Variants in DNM2 observed in about 807,000 individuals in gnomAD.
DNM2 encodes dynamin-2.
A neutral mutation model predicts 99.0 loss-of-function variants in DNM2; 15 were observed. The observed-to-expected ratio is 0.15, with a 90% confidence interval of 0.10 to 0.23. The LOEUF (loss-of-function observed/expected upper bound fraction) is 0.23, where lower values mean the gene tolerates loss of function less well. Ranked by LOEUF, DNM2 falls within the 10% of genes least tolerant of loss-of-function variation. The pLI is 1.00. For missense variants in DNM2, 742 were observed against 1,189.4 expected (o/e 0.62, Z 5.53); for synonymous variants, 525 against 481.2 (o/e 1.09, Z -1.19).
At chr19:10,807,617 C>A (rs1184978055) in intron 13 of DNM2, among the ~76,000 whole-genome samples, 7 of 139,628 alleles carry the variant, frequency 5.0e-5, no homozygotes, top group Non-Finnish European at 1.1e-4. Flanking sequence ...GGCGCGGTCT[C>A]AGCTCACCAC....
intron 2 of DNM2, among the ~76,000 whole-genome samples, chr19:10,766,711 G>A (rs10414743): frequency 0.94 from 142,358 of 152,026 alleles, 66,915 homozygotes; most frequent in East Asian, 1. Context: ...ACCTCTCTCT[G>A]GAAAAACCCG....
chr19:10,762,691 C>G (rs1217423672), intron 2 of DNM2, among the ~76,000 whole-genome samples: 1 of 152,198 alleles, frequency 6.6e-6, no homozygotes, highest in Non-Finnish European at 1.5e-5. Context: ...GGAGCCAAGG[C>G]TTCCTGACCA....
At position 10,718,193 on chromosome 19, in the gene DNM2, C is replaced by CG. The variant is rs1455711024; in HGVS notation, c.-48dup. The CG allele has an allele frequency of 2.2e-6, 3 of 1,389,240 alleles. No individual in the cohort carries two copies. 86.1% of individuals were successfully genotyped at this position (1,389,240 alleles called of 1,614,324 possible). On this transcript the variant is annotated 5_prime_UTR_variant, in exon 1 of 21. Coordinates refer to ENST00000389253, the MANE Select transcript of DNM2 (RefSeq NM_001005361.3). ...GCCGCGGGGCCAGGTCGTTGAGGGT[C>CG]GGCGGCGGGCGAGGAGCGCAGGGCG...
chr19:10,760,272 C>G (rs993247675), intron 2 of DNM2, among the ~76,000 whole-genome samples: 1 of 151,774 alleles, frequency 6.6e-6, no homozygotes, highest in Non-Finnish European at 1.5e-5. Flanking sequence ...AACTCCTGAC[C>G]TCAAGTGACC....
intron 12 of DNM2, among the ~76,000 whole-genome samples, chr19:10,804,675 G>A (rs892837410): frequency 2.1e-4 from 32 of 152,172 alleles, no homozygotes; most frequent in African/African-American, 6.5e-4. Context: ...GTGACAGAGT[G>A]AGACTCTGTC....
intron 1 of DNM2, among the ~76,000 whole-genome samples, chr19:10,732,587 G>A (rs1159521276): frequency 6.6e-6 from 1 of 151,796 alleles, no homozygotes; most frequent in Non-Finnish European, 1.5e-5. Context: ...GTGATAGAGC[G>A]AGACTCCGTC....
chr19:10,757,195 C>CCCAT (rs2070419172), intron 1 of DNM2, among the ~76,000 whole-genome samples: 1 of 152,120 alleles, frequency 6.6e-6, no homozygotes, highest in African/African-American at 2.4e-5. Flanking sequence ...AGCCCTGTTG[C>CCCAT]CCATCACGAT....
intron 1 of DNM2, among the ~76,000 whole-genome samples, chr19:10,736,145 A>G (rs1304948606): frequency 6.6e-6 from 1 of 151,962 alleles, no homozygotes; most frequent in Non-Finnish European, 1.5e-5. Flanking sequence ...GGTGCCTGTA[A>G]TCCCAGCTAA....
chr19:10,723,824 T>C (rs1003414747), intron 1 of DNM2, among the ~76,000 whole-genome samples: 1 of 152,190 alleles, frequency 6.6e-6, no homozygotes, highest in African/African-American at 2.4e-5. Context: ...GGCCACTTAG[T>C]GGCTCAGGCC....
Position 10,759,916 on chromosome 19 carries a change from G to A in DNM2, c.235+105G>A, listed in dbSNP as rs138315848. ...GAACTTGGGTCCTGGGCTGTCATTG[G>A]ACATTGAATTCACGTGTTCCACATG... On this transcript the variant is annotated intron_variant, in intron 2 of 20. Transcript: ENST00000389253. 3.1e-3 allele frequency: 4,542 copies of A among 1,463,522 alleles called. 11 individuals carry two copies. Among genetic ancestry groups the A allele is most frequent in the Non-Finnish European group, 3.7e-3 (3,852 of 1,043,816 alleles). The allele number at this position is 1,463,522 out of a possible 1,614,324, so 90.7% of individuals were successfully genotyped here. A position where few individuals can be genotyped will look rare whatever the true frequency, so the allele number is the denominator to read the frequency against.
intron 1 of DNM2, among the ~76,000 whole-genome samples, chr19:10,736,911 C>T (rs1216899079): frequency 6.6e-6 from 1 of 152,112 alleles, no homozygotes; most frequent in Non-Finnish European, 1.5e-5. Flanking sequence ...CTTTGGGAGG[C>T]CGAGGTGGAA....
intron 2 of DNM2, among the ~76,000 whole-genome samples, chr19:10,762,285 G>A (rs2070659214): frequency 2.0e-5 from 3 of 152,058 alleles, no homozygotes; most frequent in Admixed American, 6.5e-5. Flanking sequence ...TGATCTGCCC[G>A]CCTCTGCCTC....
At position 10,831,226 on chromosome 19, in the gene DNM2, C is replaced by T; in HGVS notation, c.*179C>T. ...CCCCTGTGCCTGGCTGGACACCGCACTGCGCAAAGGGGCCCTGGAGCTCCA... is the reference window on the plus strand; with the variant it reads ...CCCCTGTGCCTGGCTGGACACCGCATTGCGCAAAGGGGCCCTGGAGCTCCA... On this transcript the variant is annotated 3_prime_UTR_variant, in exon 21 of 21. Transcript: ENST00000389253. This position sits in a 1 kb window ranked among gnomAD's most constrained non-coding sequence, Gnocchi z 4.3. 7.2e-7 allele frequency: 1 copy of T among 1,382,450 alleles called. No homozygotes were observed. Among genetic ancestry groups the T allele is most frequent in the Non-Finnish European group, 9.3e-7 (1 of 1,072,712 alleles). 85.6% of individuals were successfully genotyped at this position (1,382,450 alleles called of 1,614,324 possible). A position where few individuals can be genotyped will look rare whatever the true frequency, so the allele number is the denominator to read the frequency against.
intron 1 of DNM2, among the ~76,000 whole-genome samples, chr19:10,723,397 T>G (rs2069006461): frequency 6.6e-6 from 1 of 152,122 alleles, no homozygotes; most frequent in Non-Finnish European, 1.5e-5. Context: ...CCTCCCAAAG[T>G]GCTGGGATTA....
chr19:10,787,578 C>A (rs561172787), intron 7 of DNM2, among the ~76,000 whole-genome samples: 1 of 149,314 alleles, frequency 6.7e-6, no homozygotes, highest in South Asian at 2.1e-4. Flanking sequence ...CACGGTGAAA[C>A]CCTGTCTCTA....
At chr19:10,774,495 T>G (rs150468576) in intron 3 of DNM2, among the ~76,000 whole-genome samples, 2 of 152,066 alleles carry the variant, frequency 1.3e-5, no homozygotes, top group African/African-American at 4.8e-5. Flanking sequence ...GGTGCAATCT[T>G]GGCTTACCGC....
chr19:10,764,286 C>T lies in DNM2; in HGVS notation c.235+4475C>T, dbSNP rs2070726976. ...GCGCTGCCATCGTGGCCATGGCACC[C>T]CATTGGCTGTGGTATGCTGTCTCTT... On this transcript the variant is annotated intron_variant, in intron 2 of 20. Transcript: ENST00000389253. This position sits in a 1 kb window ranked among gnomAD's most constrained non-coding sequence, Gnocchi z 4.1. Among the ~76,000 whole-genome samples the T allele has an allele frequency of 6.6e-6, 1 of 152,156 alleles. No individual in the cohort carries two copies. The highest frequency in any genetic ancestry group is 1.5e-5 in the Non-Finnish European group (1 of 68,022).
Position 10,792,733 on chromosome 19 carries a change from G to A in DNM2, c.993-987G>A, listed in dbSNP as rs564588415. On this transcript the variant is annotated intron_variant, in intron 7 of 20. Transcript: ENST00000389253. The stretch of plus-strand genomic sequence containing the variant: ...AGCGGTTCTCCTGCCTCAGCCTCCC[G>A]ATTAACTGGGACTAGAAACGTGCAC... Among the ~76,000 whole-genome samples, 314 of 151,952 alleles carry A rather than the reference G, an allele frequency of 2.1e-3. 2 individuals carry two copies. The highest frequency in any genetic ancestry group is 3.3e-3 in the Non-Finnish European group (227 of 67,956).
chr19:10,804,301 C>T (rs1426906797), intron 12 of DNM2, among the ~76,000 whole-genome samples: 1 of 152,270 alleles, frequency 6.6e-6, no homozygotes, highest in East Asian at 1.9e-4. Context: ...GAGGTTGGCT[C>T]AGCTCAGTGC....
Sources: gnomAD v4.1 joint callset for allele counts (sites outside exome capture counted in the v4.1 genomes callset) on GRCh38, gnomAD v4.1.1 for gene constraint, Gnocchi (gnomAD v3.1) non-coding constraint, MANE v1.5 for transcripts, NCBI Gene and HGNC (gene_info 2026-07-23, HGNC 2026-07-21) for gene names.